The following PLEKHH2 variants were observed in gnomAD, a reference collection of about 807,000 sequenced individuals.
PLEKHH2 encodes the protein pleckstrin homology, MyTH4 and FERM domain containing H2.
PLEKHH2 carries 129 observed loss-of-function variants against 187.9 expected under a neutral mutation model. That is an observed-to-expected ratio of 0.69 (90% CI 0.59 to 0.79). The LOEUF (loss-of-function observed/expected upper bound fraction) is 0.79. PLEKHH2 is among the 30% of genes least tolerant of loss of function. The pLI is 0.00. For missense variants in PLEKHH2, 2,076 were observed against 1,751.2 expected, an observed-to-expected ratio of 1.19 and a Z score of -3.31; for synonymous variants, 686 against 605.6, an observed-to-expected ratio of 1.13 and a Z score of -1.95.
intron 2 of PLEKHH2, among the ~76,000 whole-genome samples, chr2:43,673,258 C>G (rs1667574371): frequency 6.6e-6 from 1 of 152,102 alleles, no homozygotes; most frequent in African/African-American, 2.4e-5. Context: ...TTCCTCCATC[C>G]ATAAAAATTT....
At chr2:43,686,529 C>T (rs1668516989) in intron 3 of PLEKHH2, among the ~76,000 whole-genome samples, 1 of 152,324 alleles carries the variant, frequency 6.6e-6, no homozygotes. Context: ...TAAATCAATA[C>T]TGCTCAGTCA....
Position 43,710,315 on chromosome 2 carries a change from T to G in PLEKHH2, c.2199T>G (p.Leu733=). ...RWFVLKGGEL[L]YYKSPSDVIR... ...TTGTTCTTAAAGGTGGTGAATTACT[T>G]TACTACAAATCTCCGGTGAGTGGAA... is the stretch of plus-strand genomic sequence containing the variant. Residue 733 remains leucine, a synonymous_variant, in exon 13 of 30, where the codon CTT becomes CTG. Coordinates refer to ENST00000282406, the MANE Select transcript of PLEKHH2 (RefSeq NM_172069.4). The G allele has an allele frequency of 6.2e-7, 1 of 1,613,672 alleles. No homozygotes were observed.
intron 8 of PLEKHH2, among the ~76,000 whole-genome samples, chr2:43,703,378 T>C (rs745774858): frequency 2.0e-5 from 3 of 152,202 alleles, no homozygotes; most frequent in Non-Finnish European, 2.9e-5. Flanking sequence ...ATAAATTCCA[T>C]TGCAATTCTC....
chr2:43,736,428 G>A (rs1671297620), intron 19 of PLEKHH2, among the ~76,000 whole-genome samples: 1 of 152,170 alleles, frequency 6.6e-6, no homozygotes, highest in East Asian at 1.9e-4. Flanking sequence ...GCAGCTTACT[G>A]TCTGGAGAGA....
At chr2:43,716,665 C>A (rs1258065129) in intron 15 of PLEKHH2, among the ~76,000 whole-genome samples, 3 of 152,146 alleles carry the variant, frequency 2.0e-5, no homozygotes, top group African/African-American at 7.2e-5. Flanking sequence ...TGCAAAAAAG[C>A]AGAATAATTT....
chr2:43,708,071 G>A (rs535577234), intron 11 of PLEKHH2, among the ~76,000 whole-genome samples: 7 of 152,130 alleles, frequency 4.6e-5, no homozygotes, highest in Non-Finnish European at 8.8e-5. Context: ...CCTTAATGCA[G>A]CATGGTGTGT....
intron 2 of PLEKHH2, among the ~76,000 whole-genome samples, chr2:43,672,075 C>T (rs1208838462): frequency 6.6e-6 from 1 of 152,182 alleles, no homozygotes; most frequent in African/African-American, 2.4e-5. Context: ...AAGTTTTTAA[C>T]TACAAGTGTG....
At position 43,700,011 on chromosome 2, in the gene PLEKHH2, A is replaced by G. The variant is rs752325139; in HGVS notation, c.1053A>G (p.Leu351=). ...TAAAGAGACCAGAACACAAGAAGCT[A>G]TATTCTTGGCAGCAGGAGGCACAGT... is the stretch of plus-strand genomic sequence containing the variant. ...FGIKRPEHKK[L]YSWQQEAQWK... The change falls in exon 8 of 30, where the codon CTA becomes CTG. Residue 351 remains leucine, a synonymous_variant. Transcript: ENST00000282406. 2 of 1,614,072 alleles carry G rather than the reference A, an allele frequency of 1.2e-6. No individual in the cohort carries two copies. Among genetic ancestry groups the G allele is most frequent in the African/African-American group, 2.7e-5 (2 of 74,930 alleles).
At chr2:43,719,101 C>G (rs966493118) in intron 15 of PLEKHH2, among the ~76,000 whole-genome samples, 4 of 152,190 alleles carry the variant, frequency 2.6e-5, no homozygotes, top group Non-Finnish European at 5.9e-5. Context: ...TTGTGAGCCT[C>G]TGCACTCTTG....
Position 43,758,987 on chromosome 2 carries a change from C to T in PLEKHH2, c.4029C>T (p.Ala1343=). The T allele has an allele frequency of 6.2e-7, 1 of 1,612,672 alleles. No homozygotes were observed. The highest frequency in any genetic ancestry group is 8.5e-7 in the Non-Finnish European group (1 of 1,178,982). ...ADCVRIYLTV[A]RKWPFFGAKL... The stretch of plus-strand genomic sequence containing the variant: ...GTGTGCGCATTTATTTGACAGTAGC[C>T]AGGAAGTGGCCATTCTTTGGTGCCA... The change falls in exon 27 of 30, where the codon GCC becomes GCT. Residue 1343 remains alanine, a synonymous_variant. Transcript: ENST00000282406.
chr2:43,668,232 A>T (rs1256047378), intron 2 of PLEKHH2, among the ~76,000 whole-genome samples: 1 of 152,132 alleles, frequency 6.6e-6, no homozygotes, highest in Non-Finnish European at 1.5e-5. Flanking sequence ...AGGTTTTATC[A>T]TGTTGGCCAG....
At chr2:43,724,699 A>AT (rs1670653168) in intron 16 of PLEKHH2, among the ~76,000 whole-genome samples, 1 of 152,004 alleles carries the variant, frequency 6.6e-6, no homozygotes, top group South Asian at 2.1e-4. Context: ...TAATCTTGTT[A>AT]TTTTTTCTAG....
intron 19 of PLEKHH2, among the ~76,000 whole-genome samples, chr2:43,735,711 G>A (rs968319890): frequency 2.6e-5 from 4 of 152,130 alleles, no homozygotes; most frequent in Non-Finnish European, 5.9e-5. Context: ...CAGCTATTAT[G>A]TGTCAATAAC....
chr2:43,758,890 T>G lies in PLEKHH2; in HGVS notation c.3942-10T>G. The G allele has an allele frequency of 6.4e-7, 1 of 1,570,612 alleles. No homozygotes were observed. Among genetic ancestry groups the G allele is most frequent in the African/African-American group, 1.4e-5 (1 of 72,742 alleles). ...AGTGTTTTTGTTTTTGTTCTTTTCT[T>G]TTTTTTTAGGCAGCTTTGCCAGCGA... On this transcript the variant is annotated splice_polypyrimidine_tract_variant and intron_variant, in intron 26 of 29. Coordinates refer to ENST00000282406, the MANE Select transcript of PLEKHH2 (RefSeq NM_172069.4).
At chr2:43,680,688 G>T in intron 3 of PLEKHH2, 1 of 392,554 alleles carries the variant, frequency 2.5e-6, no homozygotes. Context: ...GCTCAAAATT[G>T]AAGTCAAGTA....
In PLEKHH2 at chr2:43,765,630, C is replaced by T; in HGVS notation, c.*32C>T. On this transcript the variant is annotated 3_prime_UTR_variant, in exon 30 of 30. Coordinates refer to ENST00000282406, the MANE Select transcript of PLEKHH2 (RefSeq NM_172069.4). Reference sequence around the variant, plus strand: ...GGGAGCCTGAACATTCACTCCTTGTCCTCCATGCTGTGGCTGTATCAGCTC... The same window carrying T: ...GGGAGCCTGAACATTCACTCCTTGTTCTCCATGCTGTGGCTGTATCAGCTC... The T allele has an allele frequency of 6.2e-7, 1 of 1,600,126 alleles. No homozygotes were observed. The highest frequency in any genetic ancestry group is 1.1e-5 in the South Asian group (1 of 88,860).
intron 15 of PLEKHH2, among the ~76,000 whole-genome samples, chr2:43,719,578 TA>T (rs1378507857): frequency 6.6e-6 from 1 of 152,204 alleles, no homozygotes; most frequent in Admixed American, 6.5e-5. Context: ...TAGCTGGAAC[TA>T]CAGATGTCCA....
chr2:43,656,176 C>A (rs569147140), intron 2 of PLEKHH2, among the ~76,000 whole-genome samples: 1 of 152,138 alleles, frequency 6.6e-6, no homozygotes, highest in South Asian at 2.1e-4. Context: ...AGGTTGGTCT[C>A]GAACTCCTGA....
chr2:43,720,622 G>C, intron 15 of PLEKHH2, 47 bp from the exon 16 acceptor site: 1 of 1,598,286 alleles, frequency 6.3e-7, no homozygotes, highest in Non-Finnish European at 8.5e-7. Context: ...AATTTAAGGT[G>C]TCAGAGTTCT....
Sources: gnomAD v4.1 joint callset for allele counts (sites outside exome capture counted in the v4.1 genomes callset) on GRCh38, gnomAD v4.1.1 for gene constraint, MANE v1.5 for transcripts, NCBI Gene and HGNC (gene_info 2026-07-23, HGNC 2026-07-21) for gene names.